RNF180: variants seen among roughly 807,000 people sequenced by gnomAD.
RNF180 encodes ring finger protein 180, also known as E3 ubiquitin-protein ligase RNF180.
In RNF180, 38 loss-of-function variants were observed where a neutral mutation model predicts 59.2. That is an observed-to-expected ratio of 0.64 (90% CI 0.50 to 0.84). The LOEUF is 0.84. Among genes scored for constraint, RNF180 ranks in the 40% least tolerant of loss-of-function variants. RNF180 has a pLI of 0.00. For missense variants in RNF180, 705 were observed against 700.9 expected, an observed-to-expected ratio of 1.01 and a Z score of -0.07; for synonymous variants, 262 against 240.3, an observed-to-expected ratio of 1.09 and a Z score of -0.84.
chr5:64,213,674 C>T lies in RNF180; in HGVS notation c.348C>T (p.Ser116=). The T allele has an allele frequency of 6.8e-6, 11 of 1,614,126 alleles. No individual in the cohort carries two copies. The highest frequency in any genetic ancestry group is 9.3e-6 in the Non-Finnish European group (11 of 1,179,998). Residue 116 remains serine, a synonymous_variant, in exon 4 of 8, where the codon TCC becomes TCT. Transcript: ENST00000389100. ...GCCAGCTTGCAGCTGTACATCTCTCCAAGAGCCGGACTGATTATCAGCCAA... is the reference window on the plus strand; with the variant it reads ...GCCAGCTTGCAGCTGTACATCTCTCTAAGAGCCGGACTGATTATCAGCCAA... ...SCGQLAAVHL[S]KSRTDYQPTQ... is the part of the protein sequence containing the mutation.
chr5:64,346,359 C>CTTTTTT lies in RNF180; in HGVS notation c.1579+15975_1579+15980dup, dbSNP rs1162054033. Among the ~76,000 whole-genome samples, 14 of 42,954 alleles carry CTTTTTT rather than the reference C, an allele frequency of 3.3e-4. 1 individual carries two copies. The highest frequency in any genetic ancestry group is 6.5e-4 in the African/African-American group (7 of 10,800). 28.2% of individuals were successfully genotyped at this position (42,954 alleles called of 152,430 possible). ...TCTATTCTTCTTTTTTTCTTTTCTT[C>CTTTTTT]TTTTTTTTTTTTTTTTTTTTTTTTT... On this transcript the variant is annotated intron_variant, in intron 7 of 7. Transcript: ENST00000389100.
At chr5:64,346,492 C>T (rs969694687) in intron 7 of RNF180, among the ~76,000 whole-genome samples, 9 of 150,510 alleles carry the variant, frequency 6.0e-5, no homozygotes, top group African/African-American at 2.2e-4. Flanking sequence ...GCCTCAGGCT[C>T]CCAAGTAGCT....
At chr5:64,220,872 C>A (rs1741290014) in intron 5 of RNF180, among the ~76,000 whole-genome samples, 1 of 151,946 alleles carries the variant, frequency 6.6e-6, no homozygotes, top group African/African-American at 2.4e-5. Context: ...TACAGTAATT[C>A]TATTACATTA....
chr5:64,217,416 T>C lies in RNF180; in HGVS notation c.1227+20T>C, dbSNP rs965047391. 7.2e-6 allele frequency: 10 copies of C among 1,386,778 alleles called. No individual in the cohort carries two copies. The highest frequency in any genetic ancestry group is 5.5e-5 in the East Asian group (2 of 36,344). 85.9% of individuals were successfully genotyped at this position (1,386,778 alleles called of 1,614,324 possible). A position where few individuals can be genotyped will look rare whatever the true frequency, so the allele number is the denominator to read the frequency against. ...CATATGGTAAGTATATATTTACTTA[T>C]ATGAGAAATTGTCAAATTGTTTTCC... On this transcript the variant is annotated intron_variant, in intron 5 of 7. Transcript: ENST00000389100.
In RNF180 at chr5:64,213,737, C is replaced by CT. The variant is rs1225918070; in HGVS notation, c.413dup (p.Leu138PhefsTer5). ...GACTAATGAGACCATCAGTGAAATA[C>CT]TTGTCACATCCTAGAGTTCAGTCAG... On this transcript the variant is annotated frameshift_variant, in exon 4 of 8. Transcript: ENST00000389100. LOFTEE classifies it high-confidence loss of function. The CT allele has an allele frequency of 2.5e-6, 4 of 1,614,048 alleles. No individual in the cohort carries two copies. The highest frequency in any genetic ancestry group is 3.4e-6 in the Non-Finnish European group (4 of 1,180,020).
intron 5 of RNF180, among the ~76,000 whole-genome samples, chr5:64,225,526 C>T (rs1171328954): frequency 2.9e-5 from 4 of 135,938 alleles, no homozygotes; most frequent in African/African-American, 1.1e-4. Flanking sequence ...CCCGGCCGCC[C>T]TTCGTCTGGG....
intron 2 of RNF180, among the ~76,000 whole-genome samples, chr5:64,205,205 G>T (rs947281500): frequency 6.6e-6 from 1 of 152,166 alleles, no homozygotes; most frequent in African/African-American, 2.4e-5. Context: ...TTGTGTGGGT[G>T]TATCAGGTTT....
intron 2 of RNF180, among the ~76,000 whole-genome samples, chr5:64,204,317 A>G (rs1751908423): frequency 6.6e-6 from 1 of 152,272 alleles, no homozygotes; most frequent in Admixed American, 6.5e-5. Flanking sequence ...CTTTGCACAC[A>G]TTGGCATTAG....
chr5:64,242,343 A>G (rs1248569178), intron 5 of RNF180, among the ~76,000 whole-genome samples: 1 of 152,190 alleles, frequency 6.6e-6, no homozygotes. Flanking sequence ...ATCAAGAACA[A>G]TCAGAGAAAT....
intron 5 of RNF180, among the ~76,000 whole-genome samples, chr5:64,301,382 A>G (rs1316232774): frequency 6.6e-6 from 1 of 151,758 alleles, no homozygotes; most frequent in African/African-American, 2.4e-5. Flanking sequence ...GAGTCTTCCA[A>G]TGATCTTACT....
intron 7 of RNF180, among the ~76,000 whole-genome samples, chr5:64,348,385 C>A (rs1323196703): frequency 6.6e-6 from 1 of 152,002 alleles, no homozygotes; most frequent in Non-Finnish European, 1.5e-5. Flanking sequence ...CTTATTCTTT[C>A]AAGTTATTTT....
chr5:64,309,336 C>A (rs1743634575), intron 5 of RNF180, among the ~76,000 whole-genome samples: 1 of 151,618 alleles, frequency 6.6e-6, no homozygotes, highest in Non-Finnish European at 1.5e-5. Flanking sequence ...GAAAGTATTT[C>A]TTGAATTCAG....
intron 7 of RNF180, among the ~76,000 whole-genome samples, chr5:64,338,971 G>T (rs971282708): frequency 2.6e-5 from 4 of 151,952 alleles, no homozygotes; most frequent in Non-Finnish European, 4.4e-5. Flanking sequence ...GAGTAAAATT[G>T]TATTTATTTT....
intron 5 of RNF180, among the ~76,000 whole-genome samples, chr5:64,222,682 A>G (rs1741416404): frequency 6.6e-6 from 1 of 152,198 alleles, no homozygotes; most frequent in African/African-American, 2.4e-5. Context: ...AACAGGTGTT[A>G]AGCATAAATC....
chr5:64,180,407 A>G (rs998038376), intron 1 of RNF180, among the ~76,000 whole-genome samples: 12 of 152,196 alleles, frequency 7.9e-5, no homozygotes, highest in Non-Finnish European at 1.5e-4. Context: ...AAATTTGTGT[A>G]AAATTATGAA....
At chr5:64,342,186 T>TG (rs1168002696) in intron 7 of RNF180, among the ~76,000 whole-genome samples, 1 of 152,034 alleles carries the variant, frequency 6.6e-6, no homozygotes, top group Non-Finnish European at 1.5e-5. Flanking sequence ...TGGCAATAAC[T>TG]GGGGGGAAAT....
In RNF180 at chr5:64,330,185, C is replaced by A. The variant is rs1744837785; in HGVS notation, c.1454-96C>A. 3.0e-5 allele frequency: 25 copies of A among 825,138 alleles called. 1 individual carries two copies. The highest frequency in any genetic ancestry group is 7.3e-4 in the Middle Eastern group (2 of 2,750). 51.1% of individuals were successfully genotyped at this position (825,138 alleles called of 1,614,324 possible). ...TGACTTAAAGAGGTGTGAATTGTAT[C>A]AAATAGTATCAAAATACTACAGTAT... On this transcript the variant is annotated intron_variant, in intron 6 of 7. Coordinates refer to ENST00000389100, the MANE Select transcript of RNF180 (RefSeq NM_001113561.2).
intron 7 of RNF180, among the ~76,000 whole-genome samples, chr5:64,363,276 TGTAA>T (rs2112609476): frequency 6.6e-6 from 1 of 151,926 alleles, no homozygotes; most frequent in South Asian, 2.1e-4. Flanking sequence ...TTATATATGG[TGTAA>T]GTAAGGGGTC....
upstream of RNF180, among the ~76,000 whole-genome samples, chr5:64,165,465 G>A (rs1347843048): frequency 6.6e-6 from 1 of 152,248 alleles, no homozygotes; most frequent in Non-Finnish European, 1.5e-5. Flanking sequence ...ATGGGGATGG[G>A]TGGATGGGAC....
Sources: allele counts gnomAD v4.1 joint callset (sites outside exome capture counted in the v4.1 genomes callset), GRCh38; gene constraint gnomAD v4.1.1; transcripts MANE v1.5; gene names NCBI Gene and HGNC (gene_info 2026-07-23, HGNC 2026-07-21).